Variants in ATP10A observed in about 807,000 individuals in gnomAD.
The protein encoded by ATP10A is phospholipid-transporting ATPase VA.
Under a neutral mutation model 147.8 loss-of-function variants are expected in ATP10A, and 111 were observed. The observed-to-expected ratio is 0.75, with a 90% confidence interval of 0.64 to 0.88. The LOEUF is 0.88. Ranked by LOEUF, ATP10A falls within the 40% of genes least tolerant of loss-of-function variation. ATP10A has a pLI of 0.00. For synonymous variants in ATP10A, 875 were observed against 841.6 expected (o/e 1.04, Z -0.69); for missense variants, 1,927 against 1,959.0 (o/e 0.98, Z 0.31).
chr15:25,836,517 G>A (rs1892602763), intron 1 of ATP10A, among the ~76,000 whole-genome samples: 1 of 152,150 alleles, frequency 6.6e-6, no homozygotes, highest in Non-Finnish European at 1.5e-5. Flanking sequence ...AGGCAATCAC[G>A]CACGTCGATT....
downstream of ATP10A, among the ~76,000 whole-genome samples, chr15:25,672,925 C>G (rs536156542): frequency 6.0e-4 from 91 of 152,150 alleles, no homozygotes; most frequent in Non-Finnish European, 1.1e-3. Flanking sequence ...CGGAGGGTTA[C>G]TAGTTTAAGG....
At chr15:25,726,244 C>G (rs1488041448) in intron 4 of ATP10A, among the ~76,000 whole-genome samples, 162 bp from the exon 5 acceptor site, 1 of 152,094 alleles carries the variant, frequency 6.6e-6, no homozygotes, top group African/African-American at 2.4e-5. Flanking sequence ...TCCTGTTGAA[C>G]AGGTCTGAAA....
At chr15:25,835,597 T>C (rs146225594) in intron 1 of ATP10A, among the ~76,000 whole-genome samples, 2 of 152,112 alleles carry the variant, frequency 1.3e-5, no homozygotes, top group Admixed American at 6.5e-5. Flanking sequence ...AACTTCATCC[T>C]TGGGCACAGC....
chr15:25,762,942 G>C (rs74003883), intron 2 of ATP10A, among the ~76,000 whole-genome samples: 6,192 of 152,168 alleles, frequency 0.041, 353 homozygotes, highest in African/African-American at 0.13. Context: ...TTTAAAAAAC[G>C]AAAGGGCAGC....
At chr15:25,818,866 G>T (rs1891770357) in intron 1 of ATP10A, among the ~76,000 whole-genome samples, 1 of 152,084 alleles carries the variant, frequency 6.6e-6, no homozygotes, top group Non-Finnish European at 1.5e-5. Context: ...AATGGTGCTG[G>T]GGAAATTGGA....
At chr15:25,722,681 C>T (rs1023857716) in intron 6 of ATP10A, among the ~76,000 whole-genome samples, 5 of 152,174 alleles carry the variant, frequency 3.3e-5, no homozygotes, top group African/African-American at 1.2e-4. Context: ...ATTTAGAAAA[C>T]TAATTTAGAC....
At chr15:25,733,410 C>T (rs1458067578) in intron 3 of ATP10A, among the ~76,000 whole-genome samples, 1 of 152,162 alleles carries the variant, frequency 6.6e-6, no homozygotes, top group Non-Finnish European at 1.5e-5. Context: ...AGGGAGCACT[C>T]CAGCCCCAGG....
intron 2 of ATP10A, among the ~76,000 whole-genome samples, chr15:25,778,290 C>A (rs951314389): frequency 6.6e-6 from 1 of 152,150 alleles, no homozygotes; most frequent in African/African-American, 2.4e-5. Context: ...CTGTCTGAGA[C>A]AAGCTAACTC....
chr15:25,779,779 C>T (rs1472475919), intron 2 of ATP10A, among the ~76,000 whole-genome samples: 1 of 151,980 alleles, frequency 6.6e-6, no homozygotes, highest in Non-Finnish European at 1.5e-5. Context: ...TTTATGTCTG[C>T]TTTGCCTTAT....
At chr15:25,798,024 C>A (rs1174241401) in intron 1 of ATP10A, among the ~76,000 whole-genome samples, 1 of 152,114 alleles carries the variant, frequency 6.6e-6, no homozygotes, top group African/African-American at 2.4e-5. Flanking sequence ...AAAAATATAA[C>A]CCTTGCAAAA....
At chr15:25,699,215 C>G (rs891690149) in intron 13 of ATP10A, among the ~76,000 whole-genome samples, 1 of 152,156 alleles carries the variant, frequency 6.6e-6, no homozygotes, top group South Asian at 2.1e-4. Flanking sequence ...AATCAAACTA[C>G]TACAATGAAT....
At chr15:25,739,230 C>T (rs564739665) in intron 2 of ATP10A, among the ~76,000 whole-genome samples, 7 of 152,106 alleles carry the variant, frequency 4.6e-5, no homozygotes, top group Non-Finnish European at 8.8e-5. Context: ...CCACTGCACT[C>T]GGCCTTAATT....
At chr15:25,755,278 T>C (rs149787166) in intron 2 of ATP10A, among the ~76,000 whole-genome samples, 10 of 152,286 alleles carry the variant, frequency 6.6e-5, no homozygotes, top group African/African-American at 1.2e-4. Context: ...ACATATGACC[T>C]CTGGATACCT....
chr15:25,843,934 G>A (rs935507987), intron 1 of ATP10A, among the ~76,000 whole-genome samples: 3 of 152,108 alleles, frequency 2.0e-5, no homozygotes, highest in Non-Finnish European at 4.4e-5. Context: ...ATGGTCTCGC[G>A]GAGCTGTTTT....
rs1374084073 is a variant in ATP10A, at chr15:25,726,048, C to A, written c.882G>T (p.Gly294=). 6.2e-7 allele frequency: 1 copy of A among 1,614,056 alleles called. No individual in the cohort carries two copies. Residue 294 remains glycine (G), a synonymous_variant, in exon 5 of 21, where the codon GGG becomes GGT. Transcript: ENST00000555815. ...HETKALLNNS[G]PRYKRSKLER... ...CCAGCTTGCTGCGCTTGTAGCGGGG[C>A]CCACTGTTGTTCAGCAGAGCCTTGG...
At chr15:25,739,047 CG>C (rs1246546805) in intron 2 of ATP10A, among the ~76,000 whole-genome samples, 4 of 152,056 alleles carry the variant, frequency 2.6e-5, no homozygotes, top group African/African-American at 4.8e-5. Flanking sequence ...TCTATAGAAA[CG>C]TCCCCCAAAA....
At chr15:25,755,215 A>T (rs1307876531) in intron 2 of ATP10A, among the ~76,000 whole-genome samples, 1 of 152,142 alleles carries the variant, frequency 6.6e-6, no homozygotes, top group Admixed American at 6.5e-5. Context: ...AAATTTCCTA[A>T]ACCTAGGAAA....
At chr15:25,772,367 C>T (rs892444723) in intron 2 of ATP10A, among the ~76,000 whole-genome samples, 6 of 152,146 alleles carry the variant, frequency 3.9e-5, no homozygotes, top group African/African-American at 1.2e-4. Flanking sequence ...CGACTTTGCA[C>T]CCAAAACCTT....
intron 1 of ATP10A, among the ~76,000 whole-genome samples, chr15:25,835,815 T>C (rs928107830): frequency 6.6e-6 from 1 of 152,082 alleles, no homozygotes; most frequent in African/African-American, 2.4e-5. Context: ...ATTTTATTTA[T>C]TTATCTATTT....
Sources: gnomAD v4.1 joint callset for allele counts (sites outside exome capture counted in the v4.1 genomes callset) on GRCh38, gnomAD v4.1.1 for gene constraint, MANE v1.5 for transcripts, NCBI Gene and HGNC (gene_info 2026-07-23, HGNC 2026-07-21) for gene names.